Variants in TAF1A observed in about 807,000 individuals in gnomAD.
TAF1A encodes the protein TATA box-binding protein-associated factor RNA polymerase I subunit A.
Under a neutral mutation model 61.6 loss-of-function variants are expected in TAF1A, and 42 were observed. The observed-to-expected ratio is 0.68, with a 90% CI of 0.53 to 0.88. TAF1A has a LOEUF of 0.88. TAF1A is among the 40% of genes least tolerant of loss of function. TAF1A has a pLI of 0.00. For missense variants in TAF1A, 424 were observed against 518.7 expected (o/e 0.82, Z 1.77); for synonymous variants, 179 against 177.7 (o/e 1.01, Z -0.06).
At chr1:222,580,078 TTAAAA>T (rs1164747321) in intron 3 of TAF1A, among the ~76,000 whole-genome samples, 2 of 152,192 alleles carry the variant, frequency 1.3e-5, no homozygotes, top group Admixed American at 1.3e-4. Context: ...CAAATTTCTA[TTAAAA>T]TATCAGATAG....
chr1:222,574,745 C>T (rs1660499309), intron 5 of TAF1A, among the ~76,000 whole-genome samples: 1 of 152,088 alleles, frequency 6.6e-6, no homozygotes. Context: ...TACAGTACAA[C>T]TCCAAATACA....
At chr1:222,569,712 C>A in intron 6 of TAF1A, 44 bp from the exon 7 acceptor site, 1 of 1,542,152 alleles carries the variant, frequency 6.5e-7, no homozygotes, top group South Asian at 1.2e-5. Context: ...TTCTGTAAGA[C>A]AGCTATACGA....
At chr1:222,577,744 A>G (rs544192925) in intron 4 of TAF1A, 101 bp from the exon 5 acceptor site, 2 of 1,057,392 alleles carry the variant, frequency 1.9e-6, no homozygotes, top group African/African-American at 1.6e-5. Flanking sequence ...AGACCTTGGT[A>G]GGATACAAAT....
intron 9 of TAF1A, among the ~76,000 whole-genome samples, chr1:222,562,169 G>C (rs1659941164): frequency 6.6e-6 from 1 of 152,072 alleles, no homozygotes; most frequent in South Asian, 2.1e-4. Context: ...TATATTTAAG[G>C]TATACAACAT....
chr1:222,584,266 A>C lies in TAF1A; in HGVS notation c.153T>G (p.Ala51=). Residue 51 remains alanine (A), a synonymous_variant, in exon 3 of 11, where the codon GCT becomes GCG. Coordinates refer to ENST00000352967, the MANE Select transcript of TAF1A (RefSeq NM_005681.4). ...AACTTAAACAAGCACTTGTTGTCTG[A>C]GCAAAATCCTTCCTCCTTTTCCCTC... is the stretch of plus-strand genomic sequence containing the variant. ...AIGGKRRKDF[A]QTTSACLSFI... is the part of the protein sequence containing the mutation. 6.2e-7 allele frequency: 1 copy of C among 1,607,146 alleles called. No individual in the cohort carries two copies. Among genetic ancestry groups the C allele is most frequent in the Non-Finnish European group, 8.5e-7 (1 of 1,178,328 alleles).
chr1:222,576,483 G>C (rs143455650), intron 5 of TAF1A, among the ~76,000 whole-genome samples: 1 of 152,168 alleles, frequency 6.6e-6, no homozygotes, highest in African/African-American at 2.4e-5. Flanking sequence ...GGTTAATCTC[G>C]AGGATTATCC....
At chr1:222,583,641 C>T (rs779723166) in intron 3 of TAF1A, among the ~76,000 whole-genome samples, 1 of 151,894 alleles carries the variant, frequency 6.6e-6, no homozygotes, top group Non-Finnish European at 1.5e-5. Flanking sequence ...AGATTGAGAC[C>T]GTCCTGGCCA....
At chr1:222,584,365 T>C (rs1660927703) in intron 2 of TAF1A, 68 bp from the exon 3 acceptor site, 2 of 1,461,920 alleles carry the variant, frequency 1.4e-6, no homozygotes, top group African/African-American at 1.4e-5. Context: ...AAAAACTTAC[T>C]TCTGATAAGA....
intron 7 of TAF1A, 144 bp downstream of exon 7, chr1:222,569,366 G>C (rs762177855): frequency 1.9e-6 from 3 of 1,554,486 alleles, no homozygotes; most frequent in South Asian, 2.3e-5. Context: ...ATGGCAGCTG[G>C]AGCCAACTTT....
At chr1:222,577,726 C>T (rs1196773297) in intron 4 of TAF1A, 83 bp from the exon 5 acceptor site, 1 of 1,246,548 alleles carries the variant, frequency 8.0e-7, no homozygotes, top group Non-Finnish European at 1.2e-6. Flanking sequence ...ATAATACATG[C>T]TGGGCAAAGA....
intron 7 of TAF1A, among the ~76,000 whole-genome samples, chr1:222,564,516 C>G (rs915840316): frequency 2.6e-5 from 4 of 151,850 alleles, no homozygotes; most frequent in Non-Finnish European, 5.9e-5. Context: ...TACTTATTTA[C>G]TAAACAGAAG....
intron 3 of TAF1A, among the ~76,000 whole-genome samples, chr1:222,581,582 A>G (rs375130443): frequency 1.3e-5 from 2 of 152,234 alleles, no homozygotes; most frequent in African/African-American, 4.8e-5. Flanking sequence ...TAAATTGTCA[A>G]CTGTTAGAGG....
chr1:222,554,834 A>G (rs1182063859), downstream of TAF1A, among the ~76,000 whole-genome samples: 3 of 152,062 alleles, frequency 2.0e-5, no homozygotes. Flanking sequence ...TCTTTTTATG[A>G]GGGGAGGTGG....
rs573043750 is a variant in TAF1A at position 222,570,795 on chromosome 1, T to C, written c.605-130A>G. The C allele has an allele frequency of 2.2e-4, 180 of 833,652 alleles. 1 individual carries two copies. The highest frequency in any genetic ancestry group is 2.5e-5 in the Non-Finnish European group (14 of 562,514). The allele number at this position is 833,652 out of a possible 1,614,324, so 51.6% of individuals were successfully genotyped here. On this transcript the variant is annotated intron_variant, in intron 5 of 10. Transcript: ENST00000352967. ...CTACAACAGTAAATTCCAACAAATA[T>C]TTAAAGGAAAATACTAATTCTTCAC...
downstream of TAF1A, chr1:222,558,239 T>C (rs1659778905): frequency 6.6e-6 from 1 of 152,138 alleles, no homozygotes; most frequent in South Asian, 2.1e-4. Flanking sequence ...ATAGAACTCA[T>C]CACCAATATA....
chr1:222,577,643 T>G lies in TAF1A; in HGVS notation c.406A>C (p.Ile136Leu). 1.2e-6 allele frequency: 2 copies of G among 1,613,402 alleles called. No homozygotes were observed. The highest frequency in any genetic ancestry group is 1.3e-5 in the African/African-American group (1 of 75,024). The change falls in exon 5 of 11, where the codon ATC (isoleucine) becomes CTC (leucine). Residue 136 changes from isoleucine (I) to leucine (L), a missense_variant and splice_region_variant. Physicochemically the swap from Ile to Leu is conservative, Grantham distance 5 (BLOSUM62 2). Transcript: ENST00000352967. ...KNIGVMNYLK[I>L]SLQHALYLLH... ...AGGTATAATGCATGTTGTAAGGAGATCTGCAAAAATAATAAGGGTACACCG... is the reference window on the plus strand; with the variant it reads ...AGGTATAATGCATGTTGTAAGGAGAGCTGCAAAAATAATAAGGGTACACCG...
intron 5 of TAF1A, among the ~76,000 whole-genome samples, chr1:222,576,573 AGAT>A (rs1469140266): frequency 1.3e-5 from 2 of 152,228 alleles, no homozygotes; most frequent in African/African-American, 4.8e-5. Flanking sequence ...GCATAAATGA[AGAT>A]GATAACACCA....
At position 222,577,658 on chromosome 1, in the gene TAF1A, A is replaced by T; in HGVS notation, c.406-15T>A. On this transcript the variant is annotated splice_polypyrimidine_tract_variant and intron_variant, in intron 4 of 10. Transcript: ENST00000352967. ...TGTAAGGAGATCTGCAAAAATAATA[A>T]GGGTACACCGCCATTTAAGCCATTA... 1 of 1,609,346 alleles carries T rather than the reference A, an allele frequency of 6.2e-7. No homozygotes were observed.
At chr1:222,588,288 T>G (rs1364468479) in intron 2 of TAF1A, among the ~76,000 whole-genome samples, 155 bp downstream of exon 2, 3 of 152,148 alleles carry the variant, frequency 2.0e-5, no homozygotes, top group Admixed American at 6.5e-5. Flanking sequence ...GGCAAAGAAT[T>G]CTAAAAGAAA....
Sources: gnomAD v4.1 joint callset for allele counts (sites outside exome capture counted in the v4.1 genomes callset) on GRCh38, gnomAD v4.1.1 for gene constraint, MANE v1.5 for transcripts, NCBI Gene and HGNC (gene_info 2026-07-23, HGNC 2026-07-21) for gene names.